IL17RA: variants seen among roughly 807,000 people sequenced by gnomAD.
IL17RA encodes interleukin-17 receptor A.
A neutral mutation model predicts 50.4 loss-of-function variants in IL17RA; 34 were observed. The observed-to-expected ratio is 0.67, with a 90% confidence interval of 0.51 to 0.90. The LOEUF (loss-of-function observed/expected upper bound fraction) is 0.90, where lower values mean the gene tolerates loss of function less well. Ranked by LOEUF, IL17RA falls within the 40% of genes least tolerant of loss-of-function variation. The pLI is 0.00. For synonymous variants in IL17RA, 585 were observed against 510.4 expected, an observed-to-expected ratio of 1.15 and a Z score of -1.97; for missense variants, 1,276 against 1,169.8, an observed-to-expected ratio of 1.09 and a Z score of -1.32.
chr22:17,088,524 C>T (rs371311852), intron 1 of IL17RA, among the ~76,000 whole-genome samples: 15 of 152,108 alleles, frequency 9.9e-5, no homozygotes, highest in East Asian at 9.7e-4. Context: ...AAGACACTGT[C>T]GCCCAGGCTA....
In IL17RA at chr22:17,105,442, G is replaced by A. The variant is rs1476266092; in HGVS notation, c.932-149G>A. On this transcript the variant is annotated intron_variant, in intron 9 of 12. Coordinates refer to ENST00000319363, the MANE Select transcript of IL17RA (RefSeq NM_014339.7). ...ACCAGCAACTCAAGTGTCTCTTGTA[G>A]ATGGTTTCATTAAGTTCAACCTGGA... 7.2e-6 allele frequency: 6 copies of A among 828,662 alleles called. No homozygotes were observed. The East Asian group carries it at 1.5e-4, about 20-fold the overall frequency. The allele number at this position is 828,662 out of a possible 1,614,324, so 51.3% of individuals were successfully genotyped here.
At chr22:17,098,726 G>A (rs1367043105) in intron 3 of IL17RA, 49 bp from the exon 4 acceptor site, 5 of 1,491,778 alleles carry the variant, frequency 3.4e-6, no homozygotes, top group Non-Finnish European at 4.7e-6. Context: ...CCCAGCACTT[G>A]TCTTGGCTGA....
intron 1 of IL17RA, among the ~76,000 whole-genome samples, chr22:17,096,047 T>C (rs2061367190): frequency 6.6e-6 from 1 of 152,084 alleles, no homozygotes; most frequent in Non-Finnish European, 1.5e-5. Context: ...GGCCTTGAGA[T>C]TGTGTTTCTG....
At chr22:17,105,649 T>C in intron 10 of IL17RA, 47 bp downstream of exon 10, 1 of 1,604,602 alleles carries the variant, frequency 6.2e-7, no homozygotes, top group Non-Finnish European at 8.5e-7. Context: ...TCAGGGGACA[T>C]TCCCCAGTGG....
rs1352964592 is a variant in IL17RA at position 17,109,997 on chromosome 22, G to C, written c.*177G>C. On this transcript the variant is annotated 3_prime_UTR_variant, in exon 13 of 13. Transcript: ENST00000319363. ...CCCTCCTAACTTTTCTTTGTGCAGC[G>C]GTCTGGTTATCGTCTATCCCCAGGG... The C allele has an allele frequency of 2.9e-6, 2 of 682,816 alleles. No homozygotes were observed. The highest frequency in any genetic ancestry group is 4.9e-6 in the Non-Finnish European group (2 of 410,576). 42.3% of individuals were successfully genotyped at this position (682,816 alleles called of 1,614,324 possible).
chr22:17,096,026 G>A (rs1382096464), intron 1 of IL17RA, among the ~76,000 whole-genome samples: 1 of 152,160 alleles, frequency 6.6e-6, no homozygotes, highest in Non-Finnish European at 1.5e-5. Context: ...ACTCACACCA[G>A]TCACTTTGTT....
chr22:17,109,191 G>T lies in IL17RA; in HGVS notation c.1972G>T (p.Gly658Cys), dbSNP rs1218310098. The stretch of plus-strand genomic sequence containing the variant: ...GCTGGAACCTCACCTGCAGCCCCGG[G>T]GTCAGCCAGCGCCGCAGCCCCTCCA... ...AKLEPHLQPR[G>C]QPAPQPLHTL... Residue 658 changes from glycine to cysteine, a missense_variant, in exon 13 of 13, where the codon GGT becomes TGT. By Grantham distance (159) the Gly-to-Cys change is radical. Transcript: ENST00000319363. 1.4e-5 allele frequency: 21 copies of T among 1,518,108 alleles called. No individual in the cohort carries two copies. Among genetic ancestry groups the T allele is most frequent in the Admixed American group, 2.0e-5 (1 of 49,922 alleles). The allele number at this position is 1,518,108 out of a possible 1,614,324, so 94.0% of individuals were successfully genotyped here.
intron 3 of IL17RA, 27 bp from the exon 4 acceptor site, chr22:17,098,748 T>G (rs753806405): frequency 6.3e-7 from 1 of 1,584,680 alleles, no homozygotes; most frequent in Non-Finnish European, 8.7e-7. Flanking sequence ...CTGCATCTGT[T>G]TGTCTTCTCT....
chr22:17,094,069 T>A (rs755317983), intron 1 of IL17RA: 2 of 152,090 alleles, frequency 1.3e-5, no homozygotes, highest in Non-Finnish European at 2.9e-5. Flanking sequence ...CTGAAGCCTC[T>A]GCCTCCCAGG....
chr22:17,106,340 C>T (rs1412265374), intron 11 of IL17RA, among the ~76,000 whole-genome samples: 1 of 152,190 alleles, frequency 6.6e-6, no homozygotes, highest in Non-Finnish European at 1.5e-5. Flanking sequence ...TGAGGGTCAG[C>T]ATCGGGTGAT....
Position 17,108,770 on chromosome 22 carries a change from C to T in IL17RA, c.1551C>T (p.Phe517=), listed in dbSNP as rs769646719. 23 of 1,608,594 alleles carry T rather than the reference C, an allele frequency of 1.4e-5. No individual in the cohort carries two copies. In the East Asian group the frequency reaches 4.3e-4, roughly 30 times the overall value. The change falls in exon 13 of 13, where the codon TTC becomes TTT. Residue 517 remains phenylalanine (F), a synonymous_variant. Transcript: ENST00000319363. ...VSCDGDVPDL[F]GAAPRYPLMD... is the part of the protein sequence containing the mutation. ...GTGACGGCGACGTCCCCGACCTGTT[C>T]GGCGCGGCGCCGCGGTACCCGCTCA...
At chr22:17,103,368 A>T (rs2061398501) in intron 7 of IL17RA, 126 bp from the exon 8 acceptor site, 1 of 748,226 alleles carries the variant, frequency 1.3e-6, no homozygotes, top group Non-Finnish European at 2.4e-6. Flanking sequence ...CCTGAAAAGC[A>T]TTTCTCCCCT....
Position 17,108,311 on chromosome 22 carries a change from C to T in IL17RA, c.1092C>T (p.Gly364=). The change falls in exon 13 of 13, where the codon GGC becomes GGT. Residue 364 remains glycine (G), a synonymous_variant. Coordinates refer to ENST00000319363, the MANE Select transcript of IL17RA (RefSeq NM_014339.7). ...TGTGTGGTCTTGTTTCCTTAGATGG[C>T]CTGCCTGCGGCTGACCTGATCCCCC... is the stretch of plus-strand genomic sequence containing the variant. The part of the protein sequence containing the change: ...KYSDDTKYTD[G]LPAADLIPPP... 1 of 1,614,056 alleles carries T rather than the reference C, an allele frequency of 6.2e-7. No homozygotes were observed. Among genetic ancestry groups the T allele is most frequent in the Non-Finnish European group, 8.5e-7 (1 of 1,180,006 alleles).
Position 17,109,646 on chromosome 22 carries a change from G to A in IL17RA, c.2427G>A (p.Thr809=). 2 of 1,607,418 alleles carry A rather than the reference G, an allele frequency of 1.2e-6. No individual in the cohort carries two copies. Among genetic ancestry groups the A allele is most frequent in the African/African-American group, 1.3e-5 (1 of 74,960 alleles). ...RSSPQPPEGL[T]EMEEEEEEEQ... ...CCCCGCAGCCCCCCGAGGGACTCACGGAAATGGAGGAAGAGGAGGAAGAGG... is the reference window on the plus strand; with the variant it reads ...CCCCGCAGCCCCCCGAGGGACTCACAGAAATGGAGGAAGAGGAGGAAGAGG... The change falls in exon 13 of 13, where the codon ACG becomes ACA. Residue 809 remains threonine (T), a synonymous_variant. Transcript: ENST00000319363.
Position 17,094,656 on chromosome 22 carries a change from ACTCT to A in IL17RA, c.139-2373_139-2370del, listed in dbSNP as rs1207841287. On this transcript the variant is annotated intron_variant, in intron 1 of 12. Transcript: ENST00000319363. ...TCTATTCTCATTTAGTCATACACAC[ACTCT>A]CTCTCTCTCTCTCTCTCTCTCTCTC... is the stretch of plus-strand genomic sequence containing the variant. 3.1e-3 allele frequency among the ~76,000 whole-genome samples: 92 copies of A among 29,264 alleles called. 2 individuals are homozygous for A. The highest frequency in any genetic ancestry group is 4.3e-3 in the East Asian group (5 of 1,162). 19.2% of individuals were successfully genotyped at this position (29,264 alleles called of 152,430 possible). A position where few individuals can be genotyped will look rare whatever the true frequency, so the allele number is the denominator to read the frequency against.
At chr22:17,090,975 C>CT (rs1009725604) in intron 1 of IL17RA, among the ~76,000 whole-genome samples, 1 of 152,186 alleles carries the variant, frequency 6.6e-6, no homozygotes, top group African/African-American at 2.4e-5. Flanking sequence ...CCATCCCCCG[C>CT]TTTCCCCAGA....
rs368404830 is a variant in IL17RA, at chr22:17,108,683, G to A, written c.1464G>A (p.Pro488=). The A allele has an allele frequency of 9.6e-5, 154 of 1,608,624 alleles. No individual in the cohort carries two copies. Among genetic ancestry groups the A allele is most frequent in the Non-Finnish European group, 1.2e-4 (147 of 1,179,856 alleles). ...CTGCAGCCATGAACATGATCCTCCC[G>A]GACTTCAAGAGGCCAGCCTGCTTCG... ...LFTAAMNMIL[P]DFKRPACFGT... Residue 488 remains proline, a synonymous_variant, in exon 13 of 13, where the codon CCG becomes CCA. Transcript: ENST00000319363.
At chr22:17,097,763 A>G in intron 2 of IL17RA, 34 bp from the exon 3 acceptor site, 1 of 1,613,570 alleles carries the variant, frequency 6.2e-7, no homozygotes. Context: ...TCTCGGCTAT[A>G]AGTCTCTGAA....
In IL17RA at chr22:17,109,884, A is replaced by T; in HGVS notation, c.*64A>T. On this transcript the variant is annotated 3_prime_UTR_variant, in exon 13 of 13. Transcript: ENST00000319363. ...GAGAGGAGTGTGTGTGCACGTATTC[A>T]TCTGTGTGTACATGTCTGCATGTGT... 1 of 1,397,930 alleles carries T rather than the reference A, an allele frequency of 7.2e-7. No homozygotes were observed. The highest frequency in any genetic ancestry group is 9.8e-7 in the Non-Finnish European group (1 of 1,018,252). The allele number at this position is 1,397,930 out of a possible 1,614,324, so 86.6% of individuals were successfully genotyped here.
Sources: allele counts gnomAD v4.1 joint callset (sites outside exome capture counted in the v4.1 genomes callset), GRCh38; gene constraint gnomAD v4.1.1; transcripts MANE v1.5; gene names NCBI Gene and HGNC (gene_info 2026-07-23, HGNC 2026-07-21).